FRMD4B: variants seen among roughly 807,000 people sequenced by gnomAD.
FRMD4B encodes the protein FERM domain containing 4B.
A neutral mutation model predicts 141.5 loss-of-function variants in FRMD4B; 74 were observed. That is an observed-to-expected ratio of 0.52 (90% CI 0.43 to 0.63). FRMD4B has a LOEUF of 0.63. Ranked by LOEUF, FRMD4B falls within the 30% of genes least tolerant of loss-of-function variation. FRMD4B has a pLI of 0.00. For synonymous variants in FRMD4B, 506 were observed against 467.9 expected (o/e 1.08, Z -1.05); for missense variants, 1,366 against 1,253.4 (o/e 1.09, Z -1.36).
At chr3:69,237,040 C>T (rs2093349647) in intron 7 of FRMD4B, among the ~76,000 whole-genome samples, 1 of 152,142 alleles carries the variant, frequency 6.6e-6, no homozygotes. Flanking sequence ...TTCATTTGGT[C>T]CAACCCCTAA....
At chr3:69,479,881 T>C (rs537346861) in intron 1 of FRMD4B, among the ~76,000 whole-genome samples, 5 of 152,248 alleles carry the variant, frequency 3.3e-5, no homozygotes, top group Non-Finnish European at 7.3e-5. Flanking sequence ...CATAGTCCCA[T>C]ATTTCTTGGA....
chr3:69,521,037 T>C (rs1350969978), intron 1 of FRMD4B, among the ~76,000 whole-genome samples: 2 of 152,140 alleles, frequency 1.3e-5, no homozygotes, highest in African/African-American at 2.4e-5. Flanking sequence ...TCCAATCCTA[T>C]CTGGATCTTA....
chr3:69,294,582 G>C (rs949002885), intron 4 of FRMD4B, among the ~76,000 whole-genome samples: 3 of 152,254 alleles, frequency 2.0e-5, no homozygotes, highest in African/African-American at 7.2e-5. Flanking sequence ...AACCAGAGAG[G>C]GCCTCCTGGT....
intron 1 of FRMD4B, among the ~76,000 whole-genome samples, chr3:69,516,406 G>A (rs985577110): frequency 2.0e-5 from 3 of 151,972 alleles, no homozygotes; most frequent in Non-Finnish European, 2.9e-5. Context: ...GAGGAAAGAG[G>A]GTCAAAGTCA....
intron 5 of FRMD4B, among the ~76,000 whole-genome samples, chr3:69,254,476 C>A (rs569923120): frequency 1.3e-5 from 2 of 152,118 alleles, no homozygotes; most frequent in Non-Finnish European, 2.9e-5. Context: ...ATCACAAATA[C>A]CTCTCCATAG....
chr3:69,183,485 T>TTC lies in FRMD4B; in HGVS notation c.1920-769_1920-768insGA, dbSNP rs2092730884. Among the ~76,000 whole-genome samples the TTC allele has an allele frequency of 2.1e-5, 3 of 140,376 alleles. No individual in the cohort carries two copies. In the South Asian group the frequency reaches 7.5e-4, roughly 35 times the overall value. 92.1% of individuals were successfully genotyped at this position (140,376 alleles called of 152,430 possible). On this transcript the variant is annotated intron_variant, in intron 19 of 22. Coordinates refer to ENST00000398540, the MANE Select transcript of FRMD4B (RefSeq NM_015123.3). The stretch of plus-strand genomic sequence containing the variant: ...ACAATTAGAAGTTAATTTTTTTTTT[T>TTC]TTTTTTTTTTTTTTTGAGACTGAGT...
In FRMD4B at chr3:69,194,593, T is replaced by C. The variant is rs115234145; in HGVS notation, c.1488+429A>G. Among the ~76,000 whole-genome samples, 943 of 152,328 alleles carry C rather than the reference T, an allele frequency of 6.2e-3. 10 individuals carry two copies. The highest frequency in any genetic ancestry group is 0.021 in the African/African-American group (884 of 41,562). ...TTGTAGCTCAGTGCTGTGCATGTAT[T>C]ATCTCATTTAATACTCATTGGATCC... is the stretch of plus-strand genomic sequence containing the variant. On this transcript the variant is annotated intron_variant, in intron 16 of 22. Coordinates refer to ENST00000398540, the MANE Select transcript of FRMD4B (RefSeq NM_015123.3).
At chr3:69,353,582 G>T (rs1575759145) in intron 1 of FRMD4B, 1 of 985,368 alleles carries the variant, frequency 1.0e-6, no homozygotes, top group Non-Finnish European at 1.2e-6. Flanking sequence ...TAAAGGAACT[G>T]AAGAGAGTGC....
In FRMD4B at chr3:69,234,454, T is replaced by G. The variant is rs181572851; in HGVS notation, c.582-9764A>C. On this transcript the variant is annotated intron_variant, in intron 7 of 22. Coordinates refer to ENST00000398540, the MANE Select transcript of FRMD4B (RefSeq NM_015123.3). ...TGGCACTGACCAAGACCTGGGTGAT[T>G]AGCAGTTTAAGAGCTTTTCACTGGC... Among the ~76,000 whole-genome samples, 364 of 152,312 alleles carry G rather than the reference T, an allele frequency of 2.4e-3. 2 individuals are homozygous for G. The highest frequency in any genetic ancestry group is 8.4e-3 in the African/African-American group (349 of 41,576).
chr3:69,179,065 A>G (rs930864260), intron 21 of FRMD4B, among the ~76,000 whole-genome samples: 1 of 152,066 alleles, frequency 6.6e-6, no homozygotes, highest in Admixed American at 6.6e-5. Context: ...ACATTTCTGC[A>G]GTTTTAAAGT....
chr3:69,480,291 TAG>T (rs1457610901), intron 1 of FRMD4B, among the ~76,000 whole-genome samples: 2 of 152,252 alleles, frequency 1.3e-5, no homozygotes, highest in Non-Finnish European at 2.9e-5. Context: ...CTCTGCTTTT[TAG>T]AGTTTCCAGT....
At chr3:69,390,839 G>A (rs1349731343), upstream of FRMD4B, among the ~76,000 whole-genome samples, 1 of 152,064 alleles carries the variant, frequency 6.6e-6, no homozygotes, top group Non-Finnish European at 1.5e-5. Flanking sequence ...GTTGCAATGA[G>A]CTGAGATCAC....
intron 19 of FRMD4B, among the ~76,000 whole-genome samples, chr3:69,185,077 G>C (rs1009201968): frequency 2.6e-5 from 4 of 152,260 alleles, no homozygotes; most frequent in African/African-American, 9.6e-5. Flanking sequence ...GCCGAGGTGG[G>C]TGGATCACGA....
chr3:69,451,098 T>G (rs1211351132), intron 1 of FRMD4B, among the ~76,000 whole-genome samples: 1 of 152,216 alleles, frequency 6.6e-6, no homozygotes, highest in Non-Finnish European at 1.5e-5. Context: ...CCTCTGCTTC[T>G]CAGTGCTTCC....
At chr3:69,501,039 A>G in intron 1 of FRMD4B, among the ~76,000 whole-genome samples, 1 of 152,140 alleles carries the variant, frequency 6.6e-6, no homozygotes, top group Non-Finnish European at 1.5e-5. Flanking sequence ...AGACACAATT[A>G]TATGTTTGGT....
chr3:69,289,241 GTTTC>G (rs1177040383), intron 4 of FRMD4B, among the ~76,000 whole-genome samples: 3 of 152,128 alleles, frequency 2.0e-5, no homozygotes, highest in African/African-American at 7.2e-5. Context: ...AAATTATTTA[GTTTC>G]TTTGTGTCTT....
At chr3:69,306,896 T>C (rs1169051151) in intron 3 of FRMD4B, among the ~76,000 whole-genome samples, 1 of 152,138 alleles carries the variant, frequency 6.6e-6, no homozygotes, top group African/African-American at 2.4e-5. Flanking sequence ...AGGAAAGTGC[T>C]GAAAGAAAAT....
At chr3:69,300,137 C>G (rs1247168261) in intron 4 of FRMD4B, among the ~76,000 whole-genome samples, 1 of 152,116 alleles carries the variant, frequency 6.6e-6, no homozygotes, top group Non-Finnish European at 1.5e-5. Flanking sequence ...ACAAGACAAC[C>G]CCATTTGCAA....
chr3:69,304,429 A>G (rs1289647578), intron 3 of FRMD4B, among the ~76,000 whole-genome samples: 1 of 146,880 alleles, frequency 6.8e-6, no homozygotes, highest in African/African-American at 2.5e-5. Flanking sequence ...GGTTGCAGTG[A>G]GCCGAGGTCA....
Sources: gnomAD v4.1 joint callset for allele counts (sites outside exome capture counted in the v4.1 genomes callset) on GRCh38, gnomAD v4.1.1 for gene constraint, MANE v1.5 for transcripts, NCBI Gene and HGNC (gene_info 2026-07-23, HGNC 2026-07-21) for gene names.